GCNT1: variants seen among roughly 807,000 people sequenced by gnomAD.
GCNT1 encodes the protein beta-1,3-galactosyl-O-glycosyl-glycoprotein beta-1,6-N-acetylglucosaminyltransferase.
A neutral mutation model predicts 26.2 loss-of-function variants in GCNT1; 16 were observed. The ratio of observed to expected loss-of-function variants is 0.61; its 90% CI spans 0.41 to 0.93. GCNT1 has a LOEUF of 0.93. Among genes scored for constraint, GCNT1 ranks in the 40% least tolerant of loss-of-function variants. The pLI is 0.00. For missense variants in GCNT1, 477 were observed against 526.7 expected (o/e 0.91, Z 0.92); for synonymous variants, 183 against 190.8 (o/e 0.96, Z 0.34).
At position 76,475,448 on chromosome 9, in the gene GCNT1, A is replaced by G. The variant is rs115364328; in HGVS notation, c.-290+15271A>G. ...GAAAAGACTATGAGCTATAAGGCAC[A>G]CTTAACACAAAGCATCCAAGATGCT... On this transcript the variant is annotated intron_variant, in intron 2 of 3. Transcript: ENST00000376730. Among the ~76,000 whole-genome samples the G allele has an allele frequency of 3.0e-3, 454 of 152,368 alleles. 1 individual carries two copies. The highest frequency in any genetic ancestry group is 0.011 in the African/African-American group (443 of 41,592).
chr9:76,466,187 G>A (rs1324604250), intron 2 of GCNT1, among the ~76,000 whole-genome samples: 49 of 152,164 alleles, frequency 3.2e-4, no homozygotes, highest in Non-Finnish European at 1.5e-5. Flanking sequence ...GCCTGTTAAG[G>A]GTACTGAGAA....
upstream of GCNT1, chr9:76,459,094 C>G (rs996089549): frequency 1.3e-5 from 2 of 152,352 alleles, no homozygotes; most frequent in Admixed American, 1.3e-4. Context: ...AAGTCCCCAG[C>G]CCCGAGCTCG....
At chr9:76,482,062 G>C (rs555948018) in intron 2 of GCNT1, among the ~76,000 whole-genome samples, 3 of 152,036 alleles carry the variant, frequency 2.0e-5, no homozygotes, top group Non-Finnish European at 4.4e-5. Context: ...TTGCTAGGGA[G>C]GGAAACACCA....
At chr9:76,429,114 C>T (rs1823299257) in intron 1 of GCNT1, among the ~76,000 whole-genome samples, 1 of 152,082 alleles carries the variant, frequency 6.6e-6, no homozygotes, top group South Asian at 2.1e-4. Context: ...TTATTTCATC[C>T]CCCAGGTAAT....
At chr9:76,451,059 T>C (rs953237678) in intron 1 of GCNT1, among the ~76,000 whole-genome samples, 4 of 152,230 alleles carry the variant, frequency 2.6e-5, no homozygotes, top group Non-Finnish European at 4.4e-5. Context: ...ACACTTTCTT[T>C]TTTTCCTGGA....
intron 2 of GCNT1, among the ~76,000 whole-genome samples, chr9:76,498,798 A>G (rs1587457012): frequency 6.6e-6 from 1 of 151,900 alleles, no homozygotes; most frequent in African/African-American, 2.4e-5. Context: ...AAAGAAAAAA[A>G]GTGTATACAC....
At chr9:76,482,811 ATTTTTT>A (rs56267257) in intron 2 of GCNT1, among the ~76,000 whole-genome samples, 4 of 115,884 alleles carry the variant, frequency 3.5e-5, no homozygotes, top group Non-Finnish European at 6.8e-5. Context: ...CACCGGGCTA[ATTTTTT>A]TTTTTTTTTT....
At chr9:76,447,155 A>G (rs77838740) in intron 1 of GCNT1, among the ~76,000 whole-genome samples, 2 of 124,088 alleles carry the variant, frequency 1.6e-5, no homozygotes, top group Admixed American at 1.6e-4. Flanking sequence ...CTGTGTCAAA[A>G]AAAAAAAAAA....
chr9:76,503,955 G>A lies in GCNT1; in HGVS notation c.*287G>A, dbSNP rs560994326. The A allele has an allele frequency of 4.9e-4, 204 of 413,486 alleles. No homozygotes were observed. The highest frequency in any genetic ancestry group is 8.5e-4 in the Non-Finnish European group (184 of 215,670). 25.6% of individuals were successfully genotyped at this position (413,486 alleles called of 1,614,324 possible). A position where few individuals can be genotyped will look rare whatever the true frequency, so the allele number is the denominator to read the frequency against. On this transcript the variant is annotated 3_prime_UTR_variant, in exon 4 of 4. Transcript: ENST00000376730. ...GGAAAGAGGGGACCAGGGTGGCTGG[G>A]GAAGAGGCCGATGCATAAAGTCAGC...
At chr9:76,458,595 T>A (rs1277636966), upstream of GCNT1, among the ~76,000 whole-genome samples, 1 of 152,226 alleles carries the variant, frequency 6.6e-6, no homozygotes, top group Non-Finnish European at 1.5e-5. Context: ...CAAAGAGAAC[T>A]GTGTCAACTT....
intron 2 of GCNT1, among the ~76,000 whole-genome samples, chr9:76,467,538 A>C (rs1824029541): frequency 6.6e-6 from 1 of 151,840 alleles, no homozygotes; most frequent in South Asian, 2.1e-4. Flanking sequence ...AATTCCATCA[A>C]ATCTCTGGTA....
At position 76,472,744 on chromosome 9, in the gene GCNT1, CTTTTCTT is replaced by C. The variant is rs1366839320; in HGVS notation, c.-290+12572_-290+12578del. ...TCTTTCTTTTCTTTTCTTTTCTTTT[CTTTTCTT>C]TTTTTTTTTTTTTTTGAGATGGAGT... On this transcript the variant is annotated intron_variant, in intron 2 of 3. Coordinates refer to ENST00000376730, the MANE Select transcript of GCNT1 (RefSeq NM_001490.5). Among the ~76,000 whole-genome samples the C allele has an allele frequency of 5.4e-3, 656 of 122,160 alleles. 1 individual carries two copies. The highest frequency in any genetic ancestry group is 0.018 in the Middle Eastern group (4 of 226). The allele number at this position is 122,160 out of a possible 152,430, so 80.1% of individuals were successfully genotyped here.
chr9:76,469,231 T>G (rs1824074603), intron 2 of GCNT1, among the ~76,000 whole-genome samples: 1 of 152,174 alleles, frequency 6.6e-6, no homozygotes, highest in Admixed American at 6.5e-5. Flanking sequence ...AGTACAATAG[T>G]GAGAGACAGG....
chr9:76,474,169 T>C (rs976201900), intron 2 of GCNT1, among the ~76,000 whole-genome samples: 1 of 152,206 alleles, frequency 6.6e-6, no homozygotes, highest in Non-Finnish European at 1.5e-5. Flanking sequence ...ACCTTGATGA[T>C]GTACCATTTT....
At chr9:76,473,353 TA>T (rs1306685785) in intron 2 of GCNT1, among the ~76,000 whole-genome samples, 1 of 152,224 alleles carries the variant, frequency 6.6e-6, no homozygotes, top group East Asian at 1.9e-4. Flanking sequence ...ATCTATTTTG[TA>T]TAATAGATTC....
intron 2 of GCNT1, among the ~76,000 whole-genome samples, chr9:76,473,240 A>G (rs1184225227): frequency 2.0e-5 from 3 of 152,186 alleles, no homozygotes; most frequent in Non-Finnish European, 2.9e-5. Flanking sequence ...GACCAAGCCT[A>G]TAATTTCCTC....
chr9:76,397,172 C>T, the GCNT1 span, among the ~76,000 whole-genome samples: 21 of 152,166 alleles, frequency 1.4e-4, no homozygotes, highest in African/African-American at 5.1e-4. Flanking sequence ...ATCCCAGCTA[C>T]TCGGGAGACT....
the GCNT1 span, among the ~76,000 whole-genome samples, chr9:76,413,330 T>G: frequency 6.6e-6 from 1 of 152,162 alleles, no homozygotes; most frequent in East Asian, 1.9e-4. Flanking sequence ...GGTCAGACAC[T>G]TAGACATCCA....
At chr9:76,425,137 TAAAAAAAAAAA>T (rs1194003045) in intron 1 of GCNT1, among the ~76,000 whole-genome samples, 2 of 73,048 alleles carry the variant, frequency 2.7e-5, no homozygotes, top group Admixed American at 3.6e-4. Flanking sequence ...AAACTCCGTC[TAAAAAAAAAAA>T]AAAAAAAAAA....
Sources: gnomAD v4.1 joint callset for allele counts (sites outside exome capture counted in the v4.1 genomes callset) on GRCh38, gnomAD v4.1.1 for gene constraint, MANE v1.5 for transcripts, NCBI Gene and HGNC (gene_info 2026-07-23, HGNC 2026-07-21) for gene names.